Variants in LRRK1 observed in about 807,000 individuals in gnomAD.
LRRK1 encodes the protein leucine-rich repeat serine/threonine-protein kinase 1.
Under a neutral mutation model 209.1 loss-of-function variants are expected in LRRK1, and 113 were observed. The ratio of observed to expected loss-of-function variants is 0.54; its 90% CI spans 0.46 to 0.63. LRRK1 has a LOEUF of 0.63. Among genes scored for constraint, LRRK1 ranks in the 30% least tolerant of loss-of-function variants. LRRK1 has a pLI of 0.00. For missense variants in LRRK1, 2,284 were observed against 2,632.2 expected (o/e 0.87, Z 2.89); for synonymous variants, 1,144 against 1,099.7 (o/e 1.04, Z -0.80).
chr15:100,959,889 A>G (rs2042840816), intron 2 of LRRK1, among the ~76,000 whole-genome samples: 1 of 152,180 alleles, frequency 6.6e-6, no homozygotes, highest in South Asian at 2.1e-4. Flanking sequence ...AGTTCTCAGT[A>G]GATGGCATGA....
At chr15:101,048,695 G>T in intron 22 of LRRK1, 38 bp downstream of exon 22, 1 of 1,474,026 alleles carries the variant, frequency 6.8e-7, no homozygotes, top group Non-Finnish European at 9.0e-7. Flanking sequence ...AGGTCAGCAG[G>T]TGCCACAGCA....
At chr15:100,924,469 G>T in intron 1 of LRRK1, 42 bp from the exon 2 acceptor site, 1 of 609,042 alleles carries the variant, frequency 1.6e-6, no homozygotes. Flanking sequence ...AGGAGGACAG[G>T]AATTATAAAG....
intron 6 of LRRK1, among the ~76,000 whole-genome samples, chr15:100,990,493 A>G (rs1370088019): frequency 6.6e-6 from 1 of 151,962 alleles, no homozygotes; most frequent in Non-Finnish European, 1.5e-5. Context: ...CTCTGTCTCC[A>G]CCCCTCAGCC....
At chr15:100,988,947 T>C (rs2032017926) in intron 5 of LRRK1, 134 bp downstream of exon 5, 8 of 752,668 alleles carry the variant, frequency 1.1e-5, no homozygotes, top group African/African-American at 1.8e-5. Context: ...ACTCCTGTTC[T>C]ATGTTTCTTT....
chr15:101,044,869 GAAGC>G (rs1225392615), intron 20 of LRRK1, among the ~76,000 whole-genome samples: 2 of 152,244 alleles, frequency 1.3e-5, no homozygotes, highest in Admixed American at 1.3e-4. Flanking sequence ...AGCAGATAGA[GAAGC>G]AAGGACTTTT....
intron 2 of LRRK1, among the ~76,000 whole-genome samples, chr15:100,941,927 G>T (rs1488424177): frequency 6.6e-6 from 1 of 152,192 alleles, no homozygotes; most frequent in Non-Finnish European, 1.5e-5. Flanking sequence ...CTGGTGACCT[G>T]GGGACCCTCT....
intron 2 of LRRK1, among the ~76,000 whole-genome samples, chr15:100,961,765 G>A (rs1024250764): frequency 6.6e-6 from 1 of 152,134 alleles, no homozygotes; most frequent in East Asian, 1.9e-4. Flanking sequence ...GGAGCTGGGT[G>A]GGGGAAGTTT....
intron 2 of LRRK1, among the ~76,000 whole-genome samples, chr15:100,952,573 C>T (rs527757389): frequency 1.3e-5 from 2 of 152,294 alleles, no homozygotes; most frequent in African/African-American, 4.8e-5. Flanking sequence ...TCCAGTTGGA[C>T]AAACACCATT....
intron 7 of LRRK1, 98 bp downstream of exon 7, chr15:101,009,161 A>C (rs2033120380): frequency 3.1e-6 from 3 of 972,664 alleles, no homozygotes; most frequent in Non-Finnish European, 4.7e-6. Flanking sequence ...TTTTGGGGGA[A>C]AAATGTTCTG....
chr15:100,979,442 T>C (rs567530413), intron 3 of LRRK1, among the ~76,000 whole-genome samples: 2 of 152,220 alleles, frequency 1.3e-5, no homozygotes, highest in East Asian at 3.9e-4. Context: ...TTCTAGCCAA[T>C]GCAAGAAGGC....
chr15:100,952,007 G>A (rs2042664671), intron 2 of LRRK1, among the ~76,000 whole-genome samples: 1 of 151,024 alleles, frequency 6.6e-6, no homozygotes, highest in Admixed American at 6.6e-5. Context: ...ATTATTAAGA[G>A]TAAGTACTAA....
chr15:100,951,964 A>T (rs200118499), intron 2 of LRRK1, among the ~76,000 whole-genome samples: 8,006 of 146,502 alleles, frequency 0.055, 323 homozygotes, highest in African/African-American at 0.11. Context: ...AGAAAAAAAA[A>T]AATAATAATA....
intron 20 of LRRK1, among the ~76,000 whole-genome samples, chr15:101,039,223 T>C (rs564309742): frequency 2.4e-4 from 36 of 152,260 alleles, no homozygotes; most frequent in Admixed American, 5.2e-4. Context: ...CTTAGAAATA[T>C]TGAATCTTCC....
intron 2 of LRRK1, among the ~76,000 whole-genome samples, chr15:100,937,774 A>G (rs1300146444): frequency 1.3e-5 from 2 of 151,870 alleles, no homozygotes; most frequent in Non-Finnish European, 2.9e-5. Context: ...TGACCTCGTG[A>G]TCCGCCCGTC....
chr15:100,999,714 A>G (rs889410087), intron 6 of LRRK1, among the ~76,000 whole-genome samples: 1 of 152,068 alleles, frequency 6.6e-6, no homozygotes, highest in Non-Finnish European at 1.5e-5. Flanking sequence ...CTGATTCTCT[A>G]TTTTCCTTGT....
chr15:100,962,830 T>A (rs2030162763), intron 2 of LRRK1, among the ~76,000 whole-genome samples: 1 of 83,260 alleles, frequency 1.2e-5, no homozygotes, highest in South Asian at 4.4e-4. Flanking sequence ...TATATTTTTT[T>A]TTTTTTTTTT....
rs779646604 is a variant in LRRK1 at position 101,058,080 on chromosome 15, T to G, written c.4618T>G (p.Phe1540Val). 6 of 1,614,060 alleles carry G rather than the reference T, an allele frequency of 3.7e-6. No individual in the cohort carries two copies. The Admixed American group carries it at 5.0e-5, about 13-fold the overall frequency. The change falls in exon 29 of 34, where the codon TTC becomes GTC. Residue 1540 changes from phenylalanine (F) to valine (V), a missense_variant. Phe to Val is a conservative substitution (Grantham distance 50). Coordinates refer to ENST00000388948, the MANE Select transcript of LRRK1 (RefSeq NM_024652.6). ...ACTGTGCTGTGGGAAGCAGACAGCCTTCTTCTCATCCCAGGGCCAGGAGTA... is the reference window on the plus strand; with the variant it reads ...ACTGTGCTGTGGGAAGCAGACAGCCGTCTTCTCATCCCAGGGCCAGGAGTA... ...YELCCGKQTA[F>V]FSSQGQEYTV...
chr15:101,055,898 T>A (rs954981610), intron 27 of LRRK1, among the ~76,000 whole-genome samples: 3 of 152,226 alleles, frequency 2.0e-5, no homozygotes, highest in African/African-American at 7.2e-5. Flanking sequence ...TTGTCTATAA[T>A]TTCTTATTAT....
intron 22 of LRRK1, 70 bp from the exon 23 acceptor site, chr15:101,049,574 G>T: frequency 7.7e-6 from 12 of 1,560,576 alleles, no homozygotes; most frequent in Non-Finnish European, 1.0e-5. Flanking sequence ...TGTCCCTGGG[G>T]GTAGGGATAT....
Sources: gnomAD v4.1 joint callset for allele counts (sites outside exome capture counted in the v4.1 genomes callset) on GRCh38, gnomAD v4.1.1 for gene constraint, MANE v1.5 for transcripts, NCBI Gene and HGNC (gene_info 2026-07-23, HGNC 2026-07-21) for gene names.